The following P4HA1 variants were observed in gnomAD, a reference collection of about 807,000 sequenced individuals.
The protein encoded by P4HA1 is prolyl 4-hydroxylase subunit alpha 1, also known as prolyl 4-hydroxylase subunit alpha-1.
In P4HA1, 24 loss-of-function variants were observed where a neutral mutation model predicts 72.8. The observed-to-expected ratio is 0.33, with a 90% CI of 0.24 to 0.46. The LOEUF is 0.46. P4HA1 is among the 20% of genes least tolerant of loss of function. The pLI is 1.00. For synonymous variants in P4HA1, 201 were observed against 218.8 expected (o/e 0.92, Z 0.72); for missense variants, 446 against 640.6 (o/e 0.70, Z 3.28).
At chr10:73,025,779 A>T (rs1376425892) in intron 10 of P4HA1, among the ~76,000 whole-genome samples, 1 of 152,220 alleles carries the variant, frequency 6.6e-6, no homozygotes, top group Non-Finnish European at 1.5e-5. Context: ...AGGATACAAA[A>T]TCAATGTGCA....
At chr10:73,056,646 TAATA>T (rs755872598) in intron 5 of P4HA1, among the ~76,000 whole-genome samples, 20 of 150,648 alleles carry the variant, frequency 1.3e-4, no homozygotes, top group Non-Finnish European at 2.5e-4. Flanking sequence ...ATAAATAAAT[TAATA>T]AATAAAAATA....
chr10:73,058,801 A>T, intron 5 of P4HA1, among the ~76,000 whole-genome samples: 1 of 138,554 alleles, frequency 7.2e-6, no homozygotes. Flanking sequence ...TTTTGAGACG[A>T]AGTCTCACTC....
chr10:73,064,846 G>C lies in P4HA1; in HGVS notation c.463+4000C>G, dbSNP rs994888449. ...CAGAGTGAGACTCCATGTCAAAAAAGAAAAAGAAATCGATTTTTATGGTTC... is the reference window on the plus strand; with the variant it reads ...CAGAGTGAGACTCCATGTCAAAAAACAAAAAGAAATCGATTTTTATGGTTC... On this transcript the variant is annotated intron_variant, in intron 5 of 14. Transcript: ENST00000394890. Among the ~76,000 whole-genome samples the C allele has an allele frequency of 3.3e-5, 5 of 152,008 alleles. 1 individual carries two copies. Among genetic ancestry groups the C allele is most frequent in the African/African-American group, 1.2e-4 (5 of 41,386 alleles).
chr10:73,053,387 T>C lies in P4HA1; in HGVS notation c.667A>G (p.Lys223Glu). 1 of 1,614,184 alleles carries C rather than the reference T, an allele frequency of 6.2e-7. No homozygotes were observed. Among genetic ancestry groups the C allele is most frequent in the Non-Finnish European group, 8.5e-7 (1 of 1,179,984 alleles). The change falls in exon 6 of 15, where the codon AAG becomes GAG. Residue 223 changes from lysine (K) to glutamate (E), a missense_variant. Physicochemically the swap from Lys to Glu is moderately conservative, Grantham distance 56 (BLOSUM62 1). Transcript: ENST00000394890. Reference protein sequence around the residue: ...YAVYQQGDLDKALLLTKKLLE... With the variant: ...YAVYQQGDLDEALLLTKKLLE... ...AGCTTCTTTGTGAGCAAAAGTGCCT[T>C]ATCCAGGTCTCCCTGCTGATATACC...
intron 5 of P4HA1, among the ~76,000 whole-genome samples, chr10:73,058,132 C>CAACATTGAT (rs977487337): frequency 1.0e-5 from 1 of 97,502 alleles, no homozygotes; most frequent in Non-Finnish European, 2.2e-5. Flanking sequence ...TGAATAAAGA[C>CAACATTGAT]AACATTGATA....
At chr10:73,049,808 T>C (rs1375866319) in intron 7 of P4HA1, among the ~76,000 whole-genome samples, 3 of 152,156 alleles carry the variant, frequency 2.0e-5, no homozygotes, top group Non-Finnish European at 4.4e-5. Flanking sequence ...CAAGGGATTA[T>C]TGTATAGATG....
In P4HA1 at chr10:73,012,622, AAAC is replaced by A. The variant is rs1839930375; in HGVS notation, c.1369-1588_1369-1586del. 2.8e-5 allele frequency among the ~76,000 whole-genome samples: 4 copies of A among 144,492 alleles called. No homozygotes were observed. The South Asian group carries it at 6.8e-4, about 25-fold the overall frequency. 94.8% of individuals were successfully genotyped at this position (144,492 alleles called of 152,430 possible). A position where few individuals can be genotyped will look rare whatever the true frequency, so the allele number is the denominator to read the frequency against. On this transcript the variant is annotated intron_variant, in intron 12 of 14. Coordinates refer to ENST00000394890, the MANE Select transcript of P4HA1 (RefSeq NM_001017962.3). ...AAGGAGATAGGGAAGAAGGGAAAGA[AAAC>A]AAACAGGGAAGGTAGCAGGAAGAGA...
chr10:73,079,968 G>C (rs372351998), intron 1 of P4HA1, among the ~76,000 whole-genome samples: 1 of 152,028 alleles, frequency 6.6e-6, no homozygotes. Flanking sequence ...GCTCTTTCTG[G>C]AGTTGCTAAG....
chr10:73,087,036 A>G (rs1336478302), intron 1 of P4HA1, among the ~76,000 whole-genome samples: 4 of 151,594 alleles, frequency 2.6e-5, no homozygotes, highest in Admixed American at 6.6e-5. Flanking sequence ...TGACAAGTAT[A>G]TATTTACCTT....
At position 73,014,227 on chromosome 10, in the gene P4HA1, A is replaced by G. The variant is rs1288988905; in HGVS notation, c.1365T>C (p.Phe455=). The change falls in exon 12 of 15, where the codon TTT becomes TTC. Residue 455 remains phenylalanine (F), a synonymous_variant. Transcript: ENST00000394890. Reference sequence around the variant, plus strand: ...AAAAATTTTAGTGACGACTTACATAAAACAGCCATGTAGCAATTCTATTTC... The same window carrying G: ...AAAAATTTTAGTGACGACTTACATAGAACAGCCATGTAGCAATTCTATTTC... The part of the protein sequence containing the change: ...GTGNRIATWL[F]YMSDVSAGGA... 6 of 1,607,216 alleles carry G rather than the reference A, an allele frequency of 3.7e-6. No homozygotes were observed. The highest frequency in any genetic ancestry group is 2.2e-5 in the South Asian group (2 of 90,714).
chr10:73,063,936 G>T (rs191625577), intron 5 of P4HA1, among the ~76,000 whole-genome samples: 1 of 152,170 alleles, frequency 6.6e-6, no homozygotes, highest in East Asian at 1.9e-4. Flanking sequence ...GAAAAAGTAG[G>T]CAAGAAAACA....
In P4HA1 at chr10:73,047,107, C is replaced by T. The variant is rs764227403; in HGVS notation, c.901-6G>A. On this transcript the variant is annotated splice_region_variant and splice_polypyrimidine_tract_variant and intron_variant, in intron 7 of 14. Coordinates refer to ENST00000394890, the MANE Select transcript of P4HA1 (RefSeq NM_001017962.3). ...TTTTTCTGTCTCCGAGGGGTCTAAA[C>T]ATAAAGTTAAGAATATGATGAATAT... The T allele has an allele frequency of 1.9e-6, 3 of 1,594,880 alleles. No individual in the cohort carries two copies. Among genetic ancestry groups the T allele is most frequent in the African/African-American group, 2.7e-5 (2 of 74,346 alleles).
At chr10:73,090,893 T>C (rs1842014292) in intron 1 of P4HA1, among the ~76,000 whole-genome samples, 2 of 151,588 alleles carry the variant, frequency 1.3e-5, no homozygotes, top group African/African-American at 4.8e-5. Flanking sequence ...ACACCCTGTC[T>C]CTACTAAAAA....
chr10:73,020,627 C>T (rs965214676), intron 10 of P4HA1, among the ~76,000 whole-genome samples: 2 of 152,062 alleles, frequency 1.3e-5, no homozygotes, highest in South Asian at 4.1e-4. Context: ...AAAAAGAAAA[C>T]TTCAGGCTGA....
chr10:73,063,293 T>A (rs1841351361), intron 5 of P4HA1, among the ~76,000 whole-genome samples: 1 of 152,210 alleles, frequency 6.6e-6, no homozygotes, highest in Non-Finnish European at 1.5e-5. Flanking sequence ...TGCTGCATCC[T>A]CCAGAGGGGA....
intron 5 of P4HA1, among the ~76,000 whole-genome samples, chr10:73,060,808 C>T (rs1048917706): frequency 6.8e-6 from 1 of 146,430 alleles, no homozygotes; most frequent in African/African-American, 2.5e-5. Context: ...GGCTGAAATA[C>T]AAAAAAAAAA....
intron 8 of P4HA1, among the ~76,000 whole-genome samples, chr10:73,045,562 C>T (rs1840837043): frequency 6.6e-6 from 1 of 151,874 alleles, no homozygotes; most frequent in Non-Finnish European, 1.5e-5. Context: ...CTCTCATTAA[C>T]ATATACAGTG....
At position 73,010,871 on chromosome 10, in the gene P4HA1, G is replaced by GA. The variant is rs1213160022; in HGVS notation, c.1437+97dup. 1.2e-3 allele frequency: 1,061 copies of GA among 888,450 alleles called. 1 individual carries two copies. The highest frequency in any genetic ancestry group is 2.0e-3 in the Middle Eastern group (9 of 4,502). The allele number at this position is 888,450 out of a possible 1,614,324, so 55.0% of individuals were successfully genotyped here. Reference sequence around the variant, plus strand: ...AGAACAGGTCTCAAAAAATGAAAAAGAAAAAAAAATGTAATTCATTAATTA... The same window carrying GA: ...AGAACAGGTCTCAAAAAATGAAAAAGAAAAAAAAAATGTAATTCATTAATTA... On this transcript the variant is annotated intron_variant, in intron 13 of 14. Coordinates refer to ENST00000394890, the MANE Select transcript of P4HA1 (RefSeq NM_001017962.3).
At chr10:73,010,420 G>C (rs1447781077) in intron 13 of P4HA1, among the ~76,000 whole-genome samples, 6 of 152,114 alleles carry the variant, frequency 3.9e-5, no homozygotes, top group Admixed American at 3.9e-4. Flanking sequence ...GACAACAAAA[G>C]TATTTGCCAA....
Sources: gnomAD v4.1 joint callset for allele counts (sites outside exome capture counted in the v4.1 genomes callset) on GRCh38, gnomAD v4.1.1 for gene constraint, MANE v1.5 for transcripts, NCBI Gene and HGNC (gene_info 2026-07-23, HGNC 2026-07-21) for gene names.